The following CCDC171 variants were observed in gnomAD, a reference collection of about 807,000 sequenced individuals.
CCDC171 encodes coiled-coil domain containing 171, also known as coiled-coil domain-containing protein 171.
CCDC171 carries 177 observed loss-of-function variants against 168.2 expected under a neutral mutation model. The ratio of observed to expected loss-of-function variants is 1.05; its 90% CI spans 0.93 to 1.19. The LOEUF (loss-of-function observed/expected upper bound fraction) is 1.19, where lower values mean the gene tolerates loss of function less well. Ranked by LOEUF, CCDC171 falls within the 50% of genes most tolerant of loss-of-function variation. CCDC171 has a pLI of 0.00. For missense variants in CCDC171, 1,991 were observed against 1,539.0 expected, an observed-to-expected ratio of 1.29 and a Z score of -4.91; for synonymous variants, 687 against 540.8, an observed-to-expected ratio of 1.27 and a Z score of -3.75.
intron 1 of CCDC171, among the ~76,000 whole-genome samples, chr9:15,562,839 G>C (rs891847710): frequency 2.0e-5 from 3 of 152,046 alleles, no homozygotes; most frequent in African/African-American, 7.2e-5. Context: ...GTTTCCCTGG[G>C]GTCTGACCTT....
intron 6 of CCDC171, among the ~76,000 whole-genome samples, chr9:15,622,370 A>G (rs1327654890): frequency 6.6e-6 from 1 of 152,190 alleles, no homozygotes; most frequent in Non-Finnish European, 1.5e-5. Context: ...TGGACTTAGG[A>G]TGCTGGGTGT....
intron 1 of CCDC171, among the ~76,000 whole-genome samples, chr9:16,052,703 A>C (rs1833770396): frequency 6.6e-6 from 1 of 151,948 alleles, no homozygotes; most frequent in Non-Finnish European, 1.5e-5. Context: ...TTGTTCCATG[A>C]TCTCAAGCTC....
At position 15,602,347 on chromosome 9, in the gene CCDC171, G is replaced by T. The variant is rs1302421250; in HGVS notation, c.675+8175G>T. Among the ~76,000 whole-genome samples the T allele has an allele frequency of 4.8e-5, 7 of 145,348 alleles. No homozygotes were observed. The East Asian group carries it at 1.3e-3, about 28-fold the overall frequency. On this transcript the variant is annotated intron_variant, in intron 6 of 25. Coordinates refer to ENST00000380701, the MANE Select transcript of CCDC171 (RefSeq NM_173550.4). ...GTTAGTATCTCATAGTGTTCTCTTT[G>T]TGTAGCTCTCTAAGAGAATTCAGTT...
At chr9:15,930,602 G>A (rs1243686532) in intron 25 of CCDC171, among the ~76,000 whole-genome samples, 1 of 151,530 alleles carries the variant, frequency 6.6e-6, no homozygotes, top group African/African-American at 2.4e-5. Flanking sequence ...TGTTAGTGAC[G>A]ATATACTGAG....
At chr9:15,917,643 T>C (rs996307568) in intron 24 of CCDC171, among the ~76,000 whole-genome samples, 6 of 151,740 alleles carry the variant, frequency 4.0e-5, no homozygotes, top group Non-Finnish European at 5.9e-5. Context: ...AGGAATATCA[T>C]TTATATTATT....
rs759749400 is a variant in CCDC171, at chr9:15,553,310, C to G, written c.-112+8C>G. Reference sequence around the variant, plus strand: ...TCACGCGAGACCCCTGAGGTAACCGCACGGTGTGGGGGCTTCGAGGCGGAC... The same window carrying G: ...TCACGCGAGACCCCTGAGGTAACCGGACGGTGTGGGGGCTTCGAGGCGGAC... On this transcript the variant is annotated splice_region_variant and intron_variant, in intron 1 of 25. Coordinates refer to ENST00000380701, the MANE Select transcript of CCDC171 (RefSeq NM_173550.4). 6.6e-6 allele frequency: 1 copy of G among 152,210 alleles called. No individual in the cohort carries two copies. The highest frequency in any genetic ancestry group is 1.5e-5 in the Non-Finnish European group (1 of 68,226). The allele number at this position is 152,210 out of a possible 1,614,324, so 9.4% of individuals were successfully genotyped here. A position where few individuals can be genotyped will look rare whatever the true frequency, so the allele number is the denominator to read the frequency against.
chr9:15,967,177 G>A (rs1281719780), intron 25 of CCDC171, among the ~76,000 whole-genome samples: 1 of 152,146 alleles, frequency 6.6e-6, no homozygotes, highest in Admixed American at 6.6e-5. Flanking sequence ...GTGACACTGA[G>A]TATTGAGACT....
chr9:15,893,685 A>G (rs1302400976), intron 24 of CCDC171, among the ~76,000 whole-genome samples: 1 of 152,174 alleles, frequency 6.6e-6, no homozygotes, highest in African/African-American at 2.4e-5. Flanking sequence ...AAAAAATCTC[A>G]ACATCACTGA....
At chr9:15,917,715 A>C (rs1035796882) in intron 24 of CCDC171, among the ~76,000 whole-genome samples, 2 of 151,656 alleles carry the variant, frequency 1.3e-5, no homozygotes, top group African/African-American at 4.8e-5. Flanking sequence ...AGGTTAGAAA[A>C]TGGGATAACT....
At chr9:15,665,356 T>G (rs943842931) in intron 8 of CCDC171, among the ~76,000 whole-genome samples, 1 of 152,218 alleles carries the variant, frequency 6.6e-6, no homozygotes, top group Non-Finnish European at 1.5e-5. Context: ...TAGTATTGTT[T>G]GACAATAAGA....
chr9:15,896,087 T>C (rs1166462093), intron 24 of CCDC171, among the ~76,000 whole-genome samples: 1 of 152,084 alleles, frequency 6.6e-6, no homozygotes, highest in Non-Finnish European at 1.5e-5. Context: ...TATGTAATTG[T>C]CCCTTTGCTC....
intron 13 of CCDC171, 35 bp downstream of exon 13, chr9:15,723,781 A>T: frequency 9.8e-7 from 1 of 1,018,092 alleles, no homozygotes; most frequent in South Asian, 1.5e-5. Context: ...TTTTGTATTA[A>T]GAAACAAATA....
intron 21 of CCDC171, among the ~76,000 whole-genome samples, chr9:15,844,710 C>A (rs2060822574): frequency 1.3e-5 from 2 of 151,822 alleles, no homozygotes; most frequent in Admixed American, 6.6e-5. Flanking sequence ...CTGTCGTTGC[C>A]CCTGAGACAT....
chr9:15,559,873 T>C (rs2039134099), intron 1 of CCDC171, among the ~76,000 whole-genome samples: 1 of 152,100 alleles, frequency 6.6e-6, no homozygotes, highest in Admixed American at 6.6e-5. Context: ...CTGGTACCGG[T>C]TGTTCCTTTC....
chr9:16,105,080 T>A, the CCDC171 span, among the ~76,000 whole-genome samples: 1 of 152,206 alleles, frequency 6.6e-6, no homozygotes, highest in East Asian at 1.9e-4. Context: ...TCCCATTTGC[T>A]TGCCAAAGAC....
chr9:15,992,834 C>T (rs1418542780), intron 3 of CCDC171, among the ~76,000 whole-genome samples: 1 of 152,116 alleles, frequency 6.6e-6, no homozygotes, highest in East Asian at 1.9e-4. Flanking sequence ...TGAGTGAACT[C>T]CCATTCACAA....
In CCDC171 at chr9:15,744,325, A is replaced by C. The variant is rs1336708788; in HGVS notation, c.2102A>C (p.Lys701Thr). Reference sequence around the variant, plus strand: ...ATGGAAAAATTGAACCATATTGAGAAGTCACATGAACAGTTGGTTCTTGAA... The same window carrying C: ...ATGGAAAAATTGAACCATATTGAGACGTCACATGAACAGTTGGTTCTTGAA... ...KNMEKLNHIEKSHEQLVLENS... is the reference protein window; with the variant it reads ...KNMEKLNHIETSHEQLVLENS... Residue 701 changes from lysine (K) to threonine (T), a missense_variant, in exon 17 of 26, where the codon AAG (lysine) becomes ACG (threonine). Lys to Thr is a moderately conservative substitution (Grantham distance 78). Transcript: ENST00000380701. 6.2e-7 allele frequency: 1 copy of C among 1,611,322 alleles called. No homozygotes were observed. The highest frequency in any genetic ancestry group is 8.5e-7 in the Non-Finnish European group (1 of 1,179,280).
chr9:15,990,224 G>T (rs937515314), intron 3 of CCDC171, among the ~76,000 whole-genome samples: 4 of 152,116 alleles, frequency 2.6e-5, no homozygotes, highest in African/African-American at 9.7e-5. Flanking sequence ...ACTGACAGCA[G>T]ATCTCTTGGC....
chr9:15,614,020 C>T (rs952506174), intron 6 of CCDC171, among the ~76,000 whole-genome samples: 1 of 152,124 alleles, frequency 6.6e-6, no homozygotes, highest in Non-Finnish European at 1.5e-5. Flanking sequence ...AGTCTTCTAG[C>T]CTTTGCTGAG....
Sources: gnomAD v4.1 joint callset for allele counts (sites outside exome capture counted in the v4.1 genomes callset) on GRCh38, gnomAD v4.1.1 for gene constraint, MANE v1.5 for transcripts, NCBI Gene and HGNC (gene_info 2026-07-23, HGNC 2026-07-21) for gene names.